The following MARK1 variants were observed in gnomAD, a reference collection of about 807,000 sequenced individuals.
The protein encoded by MARK1 is microtubule affinity regulating kinase 1.
Under a neutral mutation model 96.3 loss-of-function variants are expected in MARK1, and 40 were observed. The observed-to-expected ratio is 0.42, with a 90% CI of 0.32 to 0.54. MARK1 has a LOEUF of 0.54. Ranked by LOEUF, MARK1 falls within the 20% of genes least tolerant of loss-of-function variation. The probability of loss-of-function intolerance (pLI) is 0.16; values close to 1 mark genes in which losing one functional copy is unlikely to be tolerated. For synonymous variants in MARK1, 317 were observed against 341.2 expected (o/e 0.93, Z 0.78); for missense variants, 719 against 984.6 (o/e 0.73, Z 3.61).
In MARK1 at chr1:220,662,460, A is replaced by G. The variant is rs1241547881; in HGVS notation, c.*294A>G. 2.0e-5 allele frequency: 5 copies of G among 252,918 alleles called. No homozygotes were observed. The highest frequency in any genetic ancestry group is 3.8e-5 in the Non-Finnish European group (5 of 131,700). The allele number at this position is 252,918 out of a possible 1,614,324, so 15.7% of individuals were successfully genotyped here. ...AAAACATGATTGCTTAAAAACTTGT[A>G]TAGTTGTCTAGATTTCTGCACCTGA... On this transcript the variant is annotated 3_prime_UTR_variant, in exon 18 of 18. Transcript: ENST00000366917.
chr1:220,585,714 C>T (rs139493182), intron 3 of MARK1, among the ~76,000 whole-genome samples: 134 of 152,262 alleles, frequency 8.8e-4, no homozygotes, highest in Non-Finnish European at 1.7e-3. Context: ...TAGAATTTCA[C>T]AGCCATACAT....
At chr1:220,553,707 G>T (rs1214111093) in intron 1 of MARK1, among the ~76,000 whole-genome samples, 1 of 152,160 alleles carries the variant, frequency 6.6e-6, no homozygotes, top group African/African-American at 2.4e-5. Context: ...GTGTTTACTA[G>T]AGTTCGGTAG....
chr1:220,579,599 C>CTGGAGTCTTGTTAAAGCTTCCTT (rs763981167), intron 2 of MARK1, 42 bp downstream of exon 2: 1 of 1,543,496 alleles, frequency 6.5e-7, no homozygotes, highest in Non-Finnish European at 8.9e-7. Context: ...CTGGACCTCT[C>CTGGAGTCTTGTTAAAGCTTCCTT]TGGAGTCTTG....
intron 1 of MARK1, among the ~76,000 whole-genome samples, chr1:220,574,988 T>A (rs963590591): frequency 1.3e-5 from 2 of 152,184 alleles, no homozygotes; most frequent in African/African-American, 4.8e-5. Context: ...CAAGCAGATT[T>A]AGTGACTGTC....
In MARK1 at chr1:220,579,403, C is replaced by G. The variant is rs376677478; in HGVS notation, c.101C>G (p.Ser34Trp). 12 of 1,614,014 alleles carry G rather than the reference C, an allele frequency of 7.4e-6. No individual in the cohort carries two copies. The highest frequency in any genetic ancestry group is 1.0e-5 in the Non-Finnish European group (12 of 1,179,954). ...GAACCACACATCCAGCCTACCAAGTCGAGTAGCAGACAGAACATCCCCCGG... is the reference window on the plus strand; with the variant it reads ...GAACCACACATCCAGCCTACCAAGTGGAGTAGCAGACAGAACATCCCCCGG... ...YTEPHIQPTK[S>W]SSRQNIPRCR... Residue 34 changes from serine to tryptophan, a missense_variant, in exon 2 of 18, where the codon TCG (serine) becomes TGG (tryptophan). This residue lies in a region of MARK1 where 105 missense variants were observed against 133.4 expected (regional missense o/e 0.79). Transcript: ENST00000366917.
intron 11 of MARK1, among the ~76,000 whole-genome samples, chr1:220,633,617 C>CT (rs1558312335): frequency 6.6e-6 from 1 of 152,174 alleles, no homozygotes; most frequent in East Asian, 1.9e-4. Context: ...ACAGCATACT[C>CT]TGGGAGCATA....
intron 6 of MARK1, among the ~76,000 whole-genome samples, chr1:220,614,555 T>C (rs958937204): frequency 2.6e-5 from 4 of 151,960 alleles, no homozygotes; most frequent in Non-Finnish European, 5.9e-5. Context: ...TATAGAAAGG[T>C]AATAATATAT....
intron 16 of MARK1, among the ~76,000 whole-genome samples, 185 bp downstream of exon 16, chr1:220,653,537 A>G (rs1669007879): frequency 6.6e-6 from 1 of 152,196 alleles, no homozygotes; most frequent in South Asian, 2.1e-4. Flanking sequence ...TAAGAGAGAG[A>G]AAGGAAAAAA....
intron 13 of MARK1, among the ~76,000 whole-genome samples, chr1:220,639,741 A>G (rs1205604002): frequency 6.6e-6 from 1 of 152,192 alleles, no homozygotes; most frequent in Non-Finnish European, 1.5e-5. Flanking sequence ...GTGTCTTAGT[A>G]TACTTGACTA....
chr1:220,604,122 T>G lies in MARK1; in HGVS notation c.480T>G (p.Arg160=). ...GAAGAATGAAAGAGAAAGAGGCCCG[T>G]GCAAAATTTAGGCAGGTATGGAAAG... ...AHGRMKEKEA[R]AKFRQIVSAV... is the part of the protein sequence containing the mutation. The change falls in exon 6 of 18, where the codon CGT becomes CGG. Residue 160 remains arginine, a synonymous_variant. Coordinates refer to ENST00000366917, the MANE Select transcript of MARK1 (RefSeq NM_018650.5). 1 of 1,610,986 alleles carries G rather than the reference T, an allele frequency of 6.2e-7. No homozygotes were observed. Among genetic ancestry groups the G allele is most frequent in the Non-Finnish European group, 8.5e-7 (1 of 1,178,128 alleles).
At chr1:220,558,432 A>AT (rs1191599977) in intron 1 of MARK1, among the ~76,000 whole-genome samples, 1 of 147,738 alleles carries the variant, frequency 6.8e-6, no homozygotes, top group South Asian at 2.1e-4. Context: ...AAACTCTCTT[A>AT]TTTAAAAAAA....
intron 1 of MARK1, among the ~76,000 whole-genome samples, chr1:220,575,626 A>C (rs1305555722): frequency 6.6e-6 from 1 of 152,086 alleles, no homozygotes; most frequent in Non-Finnish European, 1.5e-5. Flanking sequence ...TTATAATCAG[A>C]ATATATAATA....
chr1:220,586,744 C>T (rs957467036), intron 3 of MARK1, among the ~76,000 whole-genome samples: 2 of 152,178 alleles, frequency 1.3e-5, no homozygotes, highest in African/African-American at 4.8e-5. Context: ...GGCTTAGAGT[C>T]TTTAAGTCAC....
intron 13 of MARK1, among the ~76,000 whole-genome samples, chr1:220,643,367 G>A (rs1042552571): frequency 3.9e-5 from 6 of 152,106 alleles, no homozygotes; most frequent in African/African-American, 1.4e-4. Flanking sequence ...GGTGAAATGA[G>A]GCAGGCAGTC....
At position 220,618,350 on chromosome 1, in the gene MARK1, T is replaced by C; in HGVS notation, c.593T>C (p.Ile198Thr). Residue 198 changes from isoleucine (I) to threonine (T), a missense_variant, in exon 8 of 18, where the codon ATT becomes ACT. By Grantham distance (89) the Ile-to-Thr change is moderately conservative. This residue lies in a region of MARK1 where 96 missense variants were observed against 213.1 expected (regional missense o/e 0.45). Coordinates refer to ENST00000366917, the MANE Select transcript of MARK1 (RefSeq NM_018650.5). This position sits in a 1 kb window ranked among gnomAD's most constrained non-coding sequence, Gnocchi z 4.6. ...CTTGATGGTGATATGAATATTAAAA[T>C]TGCTGACTTTGGTTTTAGTAATGAA... ...LLLDGDMNIK[I>T]ADFGFSNEFT... 6.2e-7 allele frequency: 1 copy of C among 1,613,964 alleles called. No individual in the cohort carries two copies. The highest frequency in any genetic ancestry group is 2.2e-5 in the East Asian group (1 of 44,872).
intron 7 of MARK1, 28 bp downstream of exon 7, chr1:220,616,023 A>T (rs773564038): frequency 3.1e-5 from 38 of 1,230,858 alleles, no homozygotes; most frequent in Non-Finnish European, 4.2e-5. Flanking sequence ...ATTTTTTTAA[A>T]AAAAAAATCG....
chr1:220,650,712 A>G lies in MARK1; in HGVS notation c.1563A>G (p.Lys521=). 6.2e-7 allele frequency: 1 copy of G among 1,612,366 alleles called. No homozygotes were observed. The highest frequency in any genetic ancestry group is 8.5e-7 in the Non-Finnish European group (1 of 1,178,542). ...GATACGTAGCATTGCAGAATGGAAA[A>G]GACAGCAGGTAAATGCCACAGTGCC... ...TDRYVALQNG[K]DSSLTEMSVS... Residue 521 remains lysine (K), a synonymous_variant, in exon 14 of 18, where the codon AAA becomes AAG. Transcript: ENST00000366917.
chr1:220,545,566 A>T (rs1224175228), intron 1 of MARK1, among the ~76,000 whole-genome samples: 1 of 149,018 alleles, frequency 6.7e-6, no homozygotes, highest in African/African-American at 2.5e-5. Context: ...CCTCCTGAGT[A>T]GCTGGGACTA....
At chr1:220,651,959 G>A (rs755089249) in intron 14 of MARK1, 27 bp from the exon 15 acceptor site, 2 of 1,464,372 alleles carry the variant, frequency 1.4e-6, no homozygotes, top group Non-Finnish European at 1.8e-6. Flanking sequence ...TTTTTCCATG[G>A]TCTTCTCAAC....
Sources: allele counts gnomAD v4.1 joint callset (sites outside exome capture counted in the v4.1 genomes callset), GRCh38; gene constraint gnomAD v4.1.1; regional missense constraint gnomAD v4.1.1; non-coding constraint Gnocchi (gnomAD v3.1); transcripts MANE v1.5; gene names NCBI Gene and HGNC (gene_info 2026-07-23, HGNC 2026-07-21).